The following UBP1 variants were observed in gnomAD, a reference collection of about 807,000 sequenced individuals.
UBP1 encodes upstream-binding protein 1.
In UBP1, 22 loss-of-function variants were observed where a neutral mutation model predicts 76.1. The ratio of observed to expected loss-of-function variants is 0.29; its 90% CI spans 0.21 to 0.41. The LOEUF (loss-of-function observed/expected upper bound fraction) is 0.41. UBP1 is among the 10% of genes least tolerant of loss of function. The pLI is 1.00. For missense variants in UBP1, 436 were observed against 668.1 expected, an observed-to-expected ratio of 0.65 and a Z score of 3.83; for synonymous variants, 224 against 237.1, an observed-to-expected ratio of 0.94 and a Z score of 0.51.
At chr3:33,422,130 G>A (rs2044911658) in intron 2 of UBP1, among the ~76,000 whole-genome samples, 1 of 152,202 alleles carries the variant, frequency 6.6e-6, no homozygotes, top group Non-Finnish European at 1.5e-5. Context: ...ATCTTTGTTT[G>A]TCTTATTACT....
chr3:33,439,958 G>T lies in UBP1; in HGVS notation c.-110C>A. 8.6e-7 allele frequency: 1 copy of T among 1,166,928 alleles called. No individual in the cohort carries two copies. The highest frequency in any genetic ancestry group is 1.4e-5 in the South Asian group (1 of 70,112). 72.3% of individuals were successfully genotyped at this position (1,166,928 alleles called of 1,614,324 possible). The stretch of plus-strand genomic sequence containing the variant: ...AGGGCGCGGGTGAAGCCTCCGGAGG[G>T]GCGGCGAGTGGTCACCAGCGGCGGC... On this transcript the variant is annotated 5_prime_UTR_variant, in exon 1 of 16. Coordinates refer to ENST00000283629, the MANE Select transcript of UBP1 (RefSeq NM_014517.5).
intron 1 of UBP1, 83 bp downstream of exon 1, chr3:33,439,653 C>A: frequency 6.8e-7 from 1 of 1,467,298 alleles, no homozygotes; most frequent in Non-Finnish European, 9.3e-7. Flanking sequence ...CCTCTGGGAG[C>A]AGCCGCATCT....
chr3:33,411,760 A>G, intron 4 of UBP1, 73 bp from the exon 5 acceptor site: 1 of 1,189,498 alleles, frequency 8.4e-7, no homozygotes, highest in Non-Finnish European at 1.2e-6. Flanking sequence ...TTACTATATT[A>G]TGTTCTAATG....
At chr3:33,408,580 A>G in intron 8 of UBP1, 110 bp downstream of exon 8, 1 of 754,028 alleles carries the variant, frequency 1.3e-6, no homozygotes, top group Non-Finnish European at 2.1e-6. Context: ...TTAAATCAAG[A>G]CATGGACATC....
At chr3:33,410,726 CTTA>C (rs1233866824) in intron 5 of UBP1, among the ~76,000 whole-genome samples, 13 of 152,032 alleles carry the variant, frequency 8.6e-5, no homozygotes, top group Non-Finnish European at 1.9e-4. Flanking sequence ...AAACTCATCT[CTTA>C]GAGACATGAT....
At chr3:33,430,469 TG>T (rs1005243579) in intron 1 of UBP1, among the ~76,000 whole-genome samples, 98 of 152,304 alleles carry the variant, frequency 6.4e-4, no homozygotes, top group African/African-American at 2.2e-3. Context: ...AATTCTGAAA[TG>T]CCAGTACACC....
At chr3:33,440,750 C>A (rs1488043669), upstream of UBP1, 2 of 152,360 alleles carry the variant, frequency 1.3e-5, no homozygotes, top group Admixed American at 1.3e-4. Flanking sequence ...ATGTTCTTCA[C>A]CTTGGGCGGG....
intron 15 of UBP1, chr3:33,391,033 G>A (rs2043743624): frequency 1.3e-5 from 2 of 152,174 alleles, no homozygotes; most frequent in African/African-American, 4.8e-5. Context: ...TTCTTTTTCA[G>A]ACAATGTCAG....
intron 8 of UBP1, 39 bp from the exon 9 acceptor site, chr3:33,402,943 TA>T (rs1405388313): frequency 1.3e-6 from 2 of 1,504,892 alleles, no homozygotes; most frequent in African/African-American, 2.8e-5. Flanking sequence ...GATATGCTTT[TA>T]AAATATGTGG....
chr3:33,401,140 C>T, intron 9 of UBP1, 124 bp from the exon 10 acceptor site: 1 of 811,402 alleles, frequency 1.2e-6, no homozygotes, highest in Non-Finnish European at 1.8e-6. Context: ...TGGGAGACAG[C>T]TATGAAAGTC....
intron 3 of UBP1, 128 bp downstream of exon 3, chr3:33,416,626 TAAAC>T (rs2044735612): frequency 1.5e-6 from 1 of 654,046 alleles, no homozygotes. Flanking sequence ...TACAGGTGAA[TAAAC>T]AAAATATAGC....
chr3:33,427,923 G>A (rs1313477589), intron 1 of UBP1, among the ~76,000 whole-genome samples: 1 of 152,158 alleles, frequency 6.6e-6, no homozygotes, highest in Non-Finnish European at 1.5e-5. Context: ...CAGGAGCAGT[G>A]ACTCACACCT....
chr3:33,404,209 G>A (rs1170453043), intron 8 of UBP1, among the ~76,000 whole-genome samples: 1 of 152,138 alleles, frequency 6.6e-6, no homozygotes, highest in Admixed American at 6.5e-5. Context: ...TCAGGAGATT[G>A]AGACCATCCT....
At chr3:33,416,701 CA>C in intron 3 of UBP1, 56 bp downstream of exon 3, 1 of 1,331,418 alleles carries the variant, frequency 7.5e-7, no homozygotes, top group Non-Finnish European at 1.0e-6. Context: ...TTTTTTTAAA[CA>C]AAAACTCATT....
intron 14 of UBP1, 84 bp from the exon 15 acceptor site, chr3:33,392,698 CTCAA>C: frequency 7.6e-7 from 1 of 1,317,920 alleles, no homozygotes; most frequent in Admixed American, 2.1e-5. Context: ...AAATATTCTT[CTCAA>C]ACAAACACAG....
At chr3:33,431,256 T>G (rs542089325) in intron 1 of UBP1, among the ~76,000 whole-genome samples, 5 of 152,006 alleles carry the variant, frequency 3.3e-5, no homozygotes, top group African/African-American at 1.2e-4. Context: ...TGAGAAGATT[T>G]TGCATTAAAT....
chr3:33,394,191 T>TTTATTA (rs148929407), intron 13 of UBP1, among the ~76,000 whole-genome samples: 12,655 of 143,330 alleles, frequency 0.088, 697 homozygotes, highest in Non-Finnish European at 0.12. Context: ...CTGGCTAATT[T>TTTATTA]TTATTATTAT....
At chr3:33,427,761 C>A (rs2045043289) in intron 1 of UBP1, among the ~76,000 whole-genome samples, 1 of 152,240 alleles carries the variant, frequency 6.6e-6, no homozygotes, top group African/African-American at 2.4e-5. Flanking sequence ...TCAAAACACT[C>A]CTACGTACAC....
chr3:33,396,936 C>T (rs1307567230), intron 12 of UBP1, 109 bp downstream of exon 12: 11 of 972,974 alleles, frequency 1.1e-5, no homozygotes, highest in Admixed American at 3.8e-5. Context: ...TGCTCGATGG[C>T]GCACACAGGC....
Sources: gnomAD v4.1 joint callset for allele counts (sites outside exome capture counted in the v4.1 genomes callset) on GRCh38, gnomAD v4.1.1 for gene constraint, MANE v1.5 for transcripts, NCBI Gene and HGNC (gene_info 2026-07-23, HGNC 2026-07-21) for gene names.